The following TEK variants were observed in gnomAD, a reference collection of about 807,000 sequenced individuals.
TEK encodes TEK receptor tyrosine kinase.
TEK carries 43 observed loss-of-function variants against 131.8 expected under a neutral mutation model. That is an observed-to-expected ratio of 0.33 (90% CI 0.26 to 0.42). The LOEUF (loss-of-function observed/expected upper bound fraction) is 0.42. TEK is among the 10% of genes least tolerant of loss of function. The pLI is 1.00. For missense variants in TEK, 1,162 were observed against 1,384.4 expected (o/e 0.84, Z 2.55); for synonymous variants, 580 against 491.6 (o/e 1.18, Z -2.38).
At chr9:27,118,964 A>G (rs1196001238) in intron 1 of TEK, among the ~76,000 whole-genome samples, 1 of 152,238 alleles carries the variant, frequency 6.6e-6, no homozygotes, top group African/African-American at 2.4e-5. Context: ...GAATGAGGCC[A>G]ATAACAAAAG....
At chr9:27,153,463 G>C (rs1823208161) in intron 1 of TEK, among the ~76,000 whole-genome samples, 1 of 152,130 alleles carries the variant, frequency 6.6e-6, no homozygotes, top group Admixed American at 6.5e-5. Context: ...AAAAGAAAAA[G>C]TATTTGAGAG....
chr9:27,185,563 G>C lies in TEK; in HGVS notation c.1261G>C (p.Val421Leu). The change falls in exon 9 of 23, where the codon GTT becomes CTT. Residue 421 changes from valine (V) to leucine (L), a missense_variant. By Grantham distance (32) the Val-to-Leu change is conservative. Around this residue, in one of 6 missense-constraint regions of TEK, gnomAD observed 436 missense variants for 539.1 expected, o/e 0.81. Coordinates refer to ENST00000380036, the MANE Select transcript of TEK (RefSeq NM_000459.5). ...IHRILPPDSG[V>L]WVCSVNTVAG... Reference sequence around the variant, plus strand: ...CCGGATCCTCCCCCCTGACTCAGGAGTTTGGGTCTGCAGTGTGAACACAGT... The same window carrying C: ...CCGGATCCTCCCCCCTGACTCAGGACTTTGGGTCTGCAGTGTGAACACAGT... The C allele has an allele frequency of 6.2e-7, 1 of 1,613,874 alleles. No homozygotes were observed.
At chr9:27,209,048 G>C (rs897524761) in intron 15 of TEK, 73 bp from the exon 16 acceptor site, 15 of 999,290 alleles carry the variant, frequency 1.5e-5, no homozygotes, top group Non-Finnish European at 2.4e-5. Flanking sequence ...AAGGTTCTTA[G>C]GGGGCAGGAC....
intron 20 of TEK, 44 bp from the exon 21 acceptor site, chr9:27,220,005 T>C (rs1402122496): frequency 6.3e-7 from 1 of 1,598,274 alleles, no homozygotes; most frequent in Non-Finnish European, 8.6e-7. Context: ...AAGCATTGCT[T>C]TTCATGCCAG....
rs142597435 is a variant in TEK at position 27,217,831 on chromosome 9, A to AAAGAT, written c.3062+75_3062+79dup. 0.045 allele frequency: 59,718 copies of AAAGAT among 1,336,292 alleles called. 2,864 individuals are homozygous for AAAGAT. Among genetic ancestry groups the AAAGAT allele is most frequent in the Admixed American group, 0.21 (12,305 of 57,756 alleles). 82.8% of individuals were successfully genotyped at this position (1,336,292 alleles called of 1,614,324 possible). A position where few individuals can be genotyped will look rare whatever the true frequency, so the allele number is the denominator to read the frequency against. On this transcript the variant is annotated intron_variant, in intron 19 of 22. Coordinates refer to ENST00000380036, the MANE Select transcript of TEK (RefSeq NM_000459.5). ...CATATACATTTGACAGAGGTTTTAA[A>AAAGAT]AAGATACAGGAATGTCCTGTAGCTC...
chr9:27,220,705 T>G (rs1826029435), intron 21 of TEK, among the ~76,000 whole-genome samples: 1 of 152,202 alleles, frequency 6.6e-6, no homozygotes, highest in Admixed American at 6.5e-5. Flanking sequence ...ACTCCCTTCC[T>G]AGCGAAGGAG....
chr9:27,211,658 T>G (rs1825636412), intron 16 of TEK, among the ~76,000 whole-genome samples: 1 of 151,696 alleles, frequency 6.6e-6, no homozygotes, highest in African/African-American at 2.4e-5. Context: ...TTTGTAGAGA[T>G]TAGGTCTCAG....
chr9:27,219,210 AAAAACTGGAAGGC>A (rs1270467436), intron 20 of TEK, among the ~76,000 whole-genome samples: 1 of 152,224 alleles, frequency 6.6e-6, no homozygotes, highest in African/African-American at 2.4e-5. Context: ...GCATATTTTA[AAAAACTGGAAGGC>A]ACTACACAGA....
intron 19 of TEK, among the ~76,000 whole-genome samples, chr9:27,218,447 G>A (rs1375699815): frequency 1.3e-5 from 2 of 152,110 alleles, no homozygotes; most frequent in East Asian, 1.9e-4. Flanking sequence ...CTGTTTCCAG[G>A]TCACATAAGT....
chr9:27,117,033 T>C (rs1821594377), intron 1 of TEK, among the ~76,000 whole-genome samples: 1 of 151,906 alleles, frequency 6.6e-6, no homozygotes, highest in Non-Finnish European at 1.5e-5. Flanking sequence ...AGCTAATTTT[T>C]TTTTTTAATT....
intron 2 of TEK, among the ~76,000 whole-genome samples, chr9:27,165,915 C>A (rs1823713292): frequency 6.6e-6 from 1 of 152,270 alleles, no homozygotes; most frequent in South Asian, 2.1e-4. Flanking sequence ...TGAAAGCAAG[C>A]AGGCAAACCT....
At chr9:27,213,387 C>T (rs1188644544) in intron 17 of TEK, 97 bp from the exon 18 acceptor site, 18 of 887,436 alleles carry the variant, frequency 2.0e-5, no homozygotes, top group Middle Eastern at 2.2e-4. Context: ...TGTTTAAAAT[C>T]CTTTTTTATA....
At chr9:27,176,782 C>T (rs1824186930) in intron 6 of TEK, among the ~76,000 whole-genome samples, 1 of 152,188 alleles carries the variant, frequency 6.6e-6, no homozygotes, top group South Asian at 2.1e-4. Flanking sequence ...TATTAGAACT[C>T]CAGAACTTAC....
chr9:27,202,969 G>T lies in TEK; in HGVS notation c.2059G>T (p.Val687Leu). The T allele has an allele frequency of 6.2e-7, 1 of 1,614,132 alleles. No homozygotes were observed. Among genetic ancestry groups the T allele is most frequent in the Non-Finnish European group, 8.5e-7 (1 of 1,180,006 alleles). ...CAAGAATGAAGACCAGCACGTTGATGTGAAGATAAAGAATGCCACCATCAC... is the reference window on the plus strand; with the variant it reads ...CAAGAATGAAGACCAGCACGTTGATTTGAAGATAAAGAATGCCACCATCAC... ...QGKNEDQHVD[V>L]KIKNATITQY... Residue 687 changes from valine (V) to leucine (L), a missense_variant, in exon 13 of 23, where the codon GTG (valine) becomes TTG (leucine). Coordinates refer to ENST00000380036, the MANE Select transcript of TEK (RefSeq NM_000459.5).
chr9:27,228,413 C>G (rs1826423529), intron 22 of TEK, 108 bp downstream of exon 22: 1 of 871,044 alleles, frequency 1.1e-6, no homozygotes, highest in Non-Finnish European at 1.8e-6. Context: ...TGGCATGGCC[C>G]TAAGTATTAT....
In TEK at chr9:27,148,771, T is replaced by C. The variant is rs536972258; in HGVS notation, c.53-9060T>C. On this transcript the variant is annotated intron_variant, in intron 1 of 22. Coordinates refer to ENST00000380036, the MANE Select transcript of TEK (RefSeq NM_000459.5). ...TTGTGTTTCCTTCTCTGTGAATTGC[T>C]ATTGGTTCAACGACTTATGAAATTT... Among the ~76,000 whole-genome samples, 8 of 152,374 alleles carry C rather than the reference T, an allele frequency of 5.3e-5. No individual in the cohort carries two copies. The South Asian group carries it at 1.7e-3, about 32-fold the overall frequency.
chr9:27,183,563 A>G lies in TEK; in HGVS notation c.1135A>G (p.Thr379Ala), dbSNP rs368494167. The G allele has an allele frequency of 9.3e-6, 15 of 1,613,822 alleles. No individual in the cohort carries two copies. Among genetic ancestry groups the G allele is most frequent in the Non-Finnish European group, 1.3e-5 (15 of 1,179,852 alleles). The change falls in exon 8 of 23, where the codon ACT (threonine) becomes GCT (alanine). Residue 379 changes from threonine (T) to alanine (A), a missense_variant. This residue lies in a region of TEK where 436 missense variants were observed against 539.1 expected (regional missense o/e 0.81). Coordinates refer to ENST00000380036, the MANE Select transcript of TEK (RefSeq NM_000459.5). ...ICKASGWPLP[T>A]NEEMTLVKPD... is the part of the protein sequence containing the mutation. ...CAAAGCTTCTGGCTGGCCGCTACCT[A>G]CTAATGAAGAAATGACCCTGGTGAA... is the stretch of plus-strand genomic sequence containing the variant.
intron 19 of TEK, among the ~76,000 whole-genome samples, chr9:27,218,132 G>GGGT: frequency 6.6e-6 from 1 of 150,766 alleles, no homozygotes; most frequent in Non-Finnish European, 1.5e-5. Flanking sequence ...CCAGACAGTG[G>GGGT]CGGGGGTCGT....
intron 1 of TEK, among the ~76,000 whole-genome samples, chr9:27,127,180 C>G (rs1182173009): frequency 6.6e-6 from 1 of 152,132 alleles, no homozygotes; most frequent in Non-Finnish European, 1.5e-5. Flanking sequence ...CACCCGTGTC[C>G]ATGTGTTCTC....
Sources: gnomAD v4.1 joint callset for allele counts (sites outside exome capture counted in the v4.1 genomes callset) on GRCh38, gnomAD v4.1.1 for gene constraint, gnomAD v4.1.1 regional missense constraint, MANE v1.5 for transcripts, NCBI Gene and HGNC (gene_info 2026-07-23, HGNC 2026-07-21) for gene names.